The following UNC5C variants were observed in gnomAD, a reference collection of about 807,000 sequenced individuals.
UNC5C encodes the protein netrin receptor UNC5C.
UNC5C carries 47 observed loss-of-function variants against 99.8 expected under a neutral mutation model. The ratio of observed to expected loss-of-function variants is 0.47; its 90% CI spans 0.37 to 0.60. The LOEUF (loss-of-function observed/expected upper bound fraction) is 0.60. UNC5C is among the 20% of genes least tolerant of loss of function. The pLI, the probability that UNC5C is intolerant of heterozygous loss-of-function variation, is 0.00. For synonymous variants in UNC5C, 487 were observed against 452.2 expected (o/e 1.08, Z -0.98); for missense variants, 1,062 against 1,165.9 (o/e 0.91, Z 1.30).
At chr4:95,483,865 C>T (rs969539737) in intron 1 of UNC5C, among the ~76,000 whole-genome samples, 2 of 151,752 alleles carry the variant, frequency 1.3e-5, no homozygotes, top group East Asian at 2.0e-4. Flanking sequence ...TTGAGGAATA[C>T]GATAGGACAA....
chr4:95,531,586 CACTGT>C (rs1175215123), intron 1 of UNC5C, among the ~76,000 whole-genome samples: 1 of 152,224 alleles, frequency 6.6e-6, no homozygotes, highest in African/African-American at 2.4e-5. Context: ...TGATACATTT[CACTGT>C]ACTATTTCCT....
chr4:95,298,596 A>G (rs755000418), intron 3 of UNC5C, among the ~76,000 whole-genome samples: 4 of 151,922 alleles, frequency 2.6e-5, no homozygotes, highest in Non-Finnish European at 5.9e-5. Flanking sequence ...TCCTCAGCAA[A>G]GCTTCCTGAC....
intron 1 of UNC5C, among the ~76,000 whole-genome samples, chr4:95,349,386 C>CCACACACACA (rs150864607): frequency 8.0e-6 from 1 of 124,334 alleles, no homozygotes; most frequent in Non-Finnish European, 1.8e-5. Context: ...ACACACACAC[C>CCACACACACA]CACACACACA....
intron 6 of UNC5C, among the ~76,000 whole-genome samples, chr4:95,243,896 A>G (rs565552934): frequency 6.6e-6 from 1 of 152,282 alleles, no homozygotes; most frequent in Admixed American, 6.5e-5. Flanking sequence ...TAATTGTGGG[A>G]GTCAGCTCCT....
At chr4:95,446,011 G>A (rs1011107882) in intron 1 of UNC5C, among the ~76,000 whole-genome samples, 1 of 152,062 alleles carries the variant, frequency 6.6e-6, no homozygotes, top group Admixed American at 6.6e-5. Flanking sequence ...ACGTGGGGGG[G>A]TGGAGTGGTT....
intron 4 of UNC5C, among the ~76,000 whole-genome samples, chr4:95,260,473 C>G (rs537536053): frequency 1.3e-5 from 2 of 152,296 alleles, no homozygotes; most frequent in Admixed American, 1.3e-4. Flanking sequence ...CCACCTCCAG[C>G]AGCCTTCGAT....
intron 6 of UNC5C, among the ~76,000 whole-genome samples, chr4:95,242,905 G>T (rs184331138): frequency 2.6e-5 from 4 of 152,226 alleles, no homozygotes; most frequent in Admixed American, 2.0e-4. Flanking sequence ...CCTATTAATG[G>T]GGGAGCTTCT....
At chr4:95,483,063 A>G (rs985527603) in intron 1 of UNC5C, among the ~76,000 whole-genome samples, 2 of 148,400 alleles carry the variant, frequency 1.3e-5, no homozygotes, top group East Asian at 4.0e-4. Flanking sequence ...GCAGTAATAA[A>G]AAAAAAAAGT....
chr4:95,341,525 G>GAAAA (rs1034746716), intron 1 of UNC5C, among the ~76,000 whole-genome samples: 1 of 140,074 alleles, frequency 7.1e-6, no homozygotes, highest in Non-Finnish European at 1.6e-5. Flanking sequence ...AAGAAAGAAA[G>GAAAA]AAAAAAAGAA....
At chr4:95,292,658 C>T (rs1040485511) in intron 3 of UNC5C, among the ~76,000 whole-genome samples, 21 of 152,104 alleles carry the variant, frequency 1.4e-4, no homozygotes, top group East Asian at 7.7e-4. Flanking sequence ...TATGCAGAAA[C>T]GTAATAAGTA....
chr4:95,175,888 A>C (rs1399625582), intron 14 of UNC5C, among the ~76,000 whole-genome samples: 1 of 151,560 alleles, frequency 6.6e-6, no homozygotes, highest in Admixed American at 6.6e-5. Flanking sequence ...CACCAATCAG[A>C]TGTAGATTTG....
At chr4:95,206,529 C>T in intron 11 of UNC5C, 99 bp downstream of exon 11, 1 of 1,543,258 alleles carries the variant, frequency 6.5e-7, no homozygotes, top group South Asian at 1.2e-5. Flanking sequence ...TAAAATTCCA[C>T]TCATGTTTTG....
intron 1 of UNC5C, among the ~76,000 whole-genome samples, chr4:95,345,478 G>A (rs1743737482): frequency 6.6e-6 from 1 of 151,882 alleles, no homozygotes; most frequent in Admixed American, 6.6e-5. Context: ...AGAAACATCA[G>A]ACTTAATCTA....
At chr4:95,328,062 A>ATTTTTTTTTTT (rs71583698) in intron 2 of UNC5C, among the ~76,000 whole-genome samples, 1 of 86,718 alleles carries the variant, frequency 1.2e-5, no homozygotes, top group African/African-American at 3.9e-5. Context: ...TTTTTTTTTA[A>ATTTTTTTTTTT]TTTTTTTTTT....
chr4:95,248,292 T>A (rs559891865), intron 5 of UNC5C: 477 of 259,930 alleles, frequency 1.8e-3, no homozygotes, highest in Non-Finnish European at 2.9e-3. Context: ...TTACTTAATA[T>A]AACTTTTACA....
At chr4:95,208,656 C>T (rs1737965697) in intron 10 of UNC5C, among the ~76,000 whole-genome samples, 1 of 152,142 alleles carries the variant, frequency 6.6e-6, no homozygotes, top group Non-Finnish European at 1.5e-5. Context: ...TTCAAGGACA[C>T]CATTTGGAAC....
In UNC5C at chr4:95,173,511, G is replaced by T. The variant is rs1396972662; in HGVS notation, c.2452-3179C>A. Among the ~76,000 whole-genome samples the T allele has an allele frequency of 1.1e-4, 16 of 149,312 alleles. No homozygotes were observed. In the East Asian group the frequency reaches 2.8e-3, roughly 26 times the overall value. ...CTATTGAGATAATCATGTGGTTTTT[G>T]TCTTTGGTTCTGTTTATATGCTGGA... On this transcript the variant is annotated intron_variant, in intron 14 of 15. Transcript: ENST00000453304.
At chr4:95,384,599 G>A (rs1745160482) in intron 1 of UNC5C, among the ~76,000 whole-genome samples, 1 of 151,974 alleles carries the variant, frequency 6.6e-6, no homozygotes, top group Admixed American at 6.6e-5. Context: ...GAACCTAATG[G>A]GTCAAATCAA....
chr4:95,366,133 A>G (rs770273620), intron 1 of UNC5C, among the ~76,000 whole-genome samples: 1 of 152,100 alleles, frequency 6.6e-6, no homozygotes, highest in Non-Finnish European at 1.5e-5. Flanking sequence ...TGTTTTAGGA[A>G]GTGAAGTCGA....
Sources: allele counts gnomAD v4.1 joint callset (sites outside exome capture counted in the v4.1 genomes callset), GRCh38; gene constraint gnomAD v4.1.1; transcripts MANE v1.5; gene names NCBI Gene and HGNC (gene_info 2026-07-23, HGNC 2026-07-21).